NCAM2: variants seen among roughly 807,000 people sequenced by gnomAD.
NCAM2 encodes the protein neural cell adhesion molecule 2.
NCAM2 carries 30 observed loss-of-function variants against 98.1 expected under a neutral mutation model. That is an observed-to-expected ratio of 0.31 (90% CI 0.23 to 0.41). NCAM2 has a LOEUF of 0.41. NCAM2 is among the 10% of genes least tolerant of loss of function. NCAM2 has a pLI of 1.00. For synonymous variants in NCAM2, 368 were observed against 342.4 expected, an observed-to-expected ratio of 1.07 and a Z score of -0.83; for missense variants, 867 against 1,005.8, an observed-to-expected ratio of 0.86 and a Z score of 1.87.
intron 1 of NCAM2, among the ~76,000 whole-genome samples, chr21:21,114,367 T>C (rs948268045): frequency 2.6e-5 from 4 of 152,212 alleles, no homozygotes; most frequent in African/African-American, 9.7e-5. Flanking sequence ...CAATGTTTCA[T>C]TTTCCTATTG....
intron 12 of NCAM2, among the ~76,000 whole-genome samples, chr21:21,440,158 T>A (rs1315382961): frequency 6.6e-6 from 1 of 152,204 alleles, no homozygotes; most frequent in Non-Finnish European, 1.5e-5. Flanking sequence ...AAAAAATGTG[T>A]CATTAAAATA....
At chr21:21,398,384 C>T (rs1004599260) in intron 9 of NCAM2, among the ~76,000 whole-genome samples, 6 of 152,016 alleles carry the variant, frequency 3.9e-5, no homozygotes, top group African/African-American at 1.5e-4. Flanking sequence ...TAGAACCAAA[C>T]ACCACCTGTT....
At chr21:21,393,898 TATTCTG>T (rs2076438881) in intron 9 of NCAM2, among the ~76,000 whole-genome samples, 1 of 152,200 alleles carries the variant, frequency 6.6e-6, no homozygotes, top group South Asian at 2.1e-4. Flanking sequence ...GAAGGAAAGA[TATTCTG>T]ATTAGAAAAA....
At chr21:21,140,601 G>T (rs563934545) in intron 1 of NCAM2, among the ~76,000 whole-genome samples, 38 of 152,126 alleles carry the variant, frequency 2.5e-4, no homozygotes, top group Admixed American at 7.9e-4. Flanking sequence ...ATTTCTCTTA[G>T]TAGGACCACC....
chr21:21,083,154 T>A (rs1215664882), intron 1 of NCAM2, among the ~76,000 whole-genome samples: 1 of 152,162 alleles, frequency 6.6e-6, no homozygotes, highest in Admixed American at 6.5e-5. Flanking sequence ...GGCAGTACAG[T>A]AGTAGTAACA....
At chr21:21,005,431 G>C (rs1462902969) in intron 1 of NCAM2, among the ~76,000 whole-genome samples, 2 of 152,038 alleles carry the variant, frequency 1.3e-5, no homozygotes, top group Non-Finnish European at 2.9e-5. Context: ...ATGAAAAAGT[G>C]CACCCATTTT....
intron 1 of NCAM2, among the ~76,000 whole-genome samples, chr21:21,212,831 C>T (rs2069713816): frequency 6.6e-6 from 1 of 151,730 alleles, no homozygotes; most frequent in African/African-American, 2.4e-5. Flanking sequence ...CGAGCACCGC[C>T]TCCCGGGCTC....
rs372802525 is a variant in NCAM2 at position 21,204,522 on chromosome 21, T to A, written c.56-76056T>A. ...AATAACATTTTCAAACTTGTTATGC[T>A]TTTTAAGGCTGAAAAGAAAGCCATA... is the stretch of plus-strand genomic sequence containing the variant. On this transcript the variant is annotated intron_variant, in intron 1 of 17. Transcript: ENST00000400546. Among the ~76,000 whole-genome samples the A allele has an allele frequency of 5.3e-5, 8 of 152,176 alleles. No homozygotes were observed. The East Asian group carries it at 9.6e-4, about 18-fold the overall frequency.
intron 8 of NCAM2, among the ~76,000 whole-genome samples, chr21:21,370,016 A>T (rs911879862): frequency 6.6e-6 from 1 of 151,838 alleles, no homozygotes; most frequent in Non-Finnish European, 1.5e-5. Flanking sequence ...AATATGCTGC[A>T]GTCATCGTCA....
chr21:21,019,576 G>T (rs967457465), intron 1 of NCAM2, among the ~76,000 whole-genome samples: 2 of 152,042 alleles, frequency 1.3e-5, no homozygotes, highest in South Asian at 4.1e-4. Context: ...TATTCACAAA[G>T]TATCCAATTA....
chr21:21,453,678 A>G (rs1264690465), intron 12 of NCAM2, among the ~76,000 whole-genome samples: 1 of 152,114 alleles, frequency 6.6e-6, no homozygotes, highest in African/African-American at 2.4e-5. Context: ...ACCTTCTGCC[A>G]TATGTTTAGT....
At chr21:21,504,194 A>G (rs1987823323) in intron 15 of NCAM2, among the ~76,000 whole-genome samples, 1 of 151,904 alleles carries the variant, frequency 6.6e-6, no homozygotes, top group Non-Finnish European at 1.5e-5. Flanking sequence ...TACAACCTGG[A>G]GTTAATTAGT....
At chr21:21,075,333 T>G (rs1601291378) in intron 1 of NCAM2, among the ~76,000 whole-genome samples, 1 of 152,302 alleles carries the variant, frequency 6.6e-6, no homozygotes, top group African/African-American at 2.4e-5. Flanking sequence ...ACTTAAAGTA[T>G]AATTTTTTTA....
chr21:21,517,455 T>C (rs2146378433), intron 16 of NCAM2, among the ~76,000 whole-genome samples: 1 of 152,278 alleles, frequency 6.6e-6, no homozygotes, highest in East Asian at 1.9e-4. Flanking sequence ...CTGTAGATAG[T>C]ATGCAAGGAA....
At chr21:21,086,422 A>G (rs2065906594) in intron 1 of NCAM2, among the ~76,000 whole-genome samples, 1 of 152,204 alleles carries the variant, frequency 6.6e-6, no homozygotes, top group African/African-American at 2.4e-5. Context: ...TTACATTTGT[A>G]TTTACATGAA....
At chr21:21,119,628 C>G (rs1601418846) in intron 1 of NCAM2, among the ~76,000 whole-genome samples, 1 of 151,918 alleles carries the variant, frequency 6.6e-6, no homozygotes, top group South Asian at 2.1e-4. Flanking sequence ...GTTTAATAAG[C>G]CAATTTAGGA....
intron 1 of NCAM2, among the ~76,000 whole-genome samples, chr21:21,204,986 A>G (rs1485827991): frequency 6.6e-6 from 1 of 152,094 alleles, no homozygotes; most frequent in Non-Finnish European, 1.5e-5. Context: ...CATTCACTTT[A>G]ATAATGGACT....
intron 15 of NCAM2, among the ~76,000 whole-genome samples, chr21:21,489,710 G>A (rs1250845941): frequency 1.3e-5 from 2 of 152,008 alleles, no homozygotes; most frequent in South Asian, 2.1e-4. Flanking sequence ...AATTGGTGAC[G>A]AGGCATTTCC....
intron 9 of NCAM2, among the ~76,000 whole-genome samples, chr21:21,378,799 G>A (rs2076088418): frequency 1.3e-5 from 2 of 151,980 alleles, no homozygotes; most frequent in Non-Finnish European, 2.9e-5. Flanking sequence ...AAAAACTTCT[G>A]CAAAGATTTT....
Sources: gnomAD v4.1 joint callset for allele counts (sites outside exome capture counted in the v4.1 genomes callset) on GRCh38, gnomAD v4.1.1 for gene constraint, MANE v1.5 for transcripts, NCBI Gene and HGNC (gene_info 2026-07-23, HGNC 2026-07-21) for gene names.